The following TRIM15 variants were observed in gnomAD, a reference collection of about 807,000 sequenced individuals.
TRIM15 encodes tripartite motif containing 15, also known as E3 ubiquitin-protein ligase TRIM15.
A neutral mutation model predicts 35.8 loss-of-function variants in TRIM15; 35 were observed. That is an observed-to-expected ratio of 0.98 (90% CI 0.75 to 1.30). The LOEUF (loss-of-function observed/expected upper bound fraction) is 1.30, where lower values mean the gene tolerates loss of function less well. Among genes scored for constraint, TRIM15 ranks in the 50% most tolerant of loss-of-function variants. TRIM15 has a pLI of 0.00. For synonymous variants in TRIM15, 252 were observed against 249.8 expected (o/e 1.01, Z -0.08); for missense variants, 590 against 593.5 (o/e 0.99, Z 0.06).
rs1420612139 is a variant in TRIM15, at chr6:30,168,292, C to T, written c.478-8C>T. The T allele has an allele frequency of 6.2e-7, 1 of 1,610,648 alleles. No homozygotes were observed. The highest frequency in any genetic ancestry group is 1.1e-5 in the South Asian group (1 of 90,870). ...TTCCTAACCATGTCTGCCTTTTATCCCTTGAAGACTCAGATCGAAAGCAAG... is the reference window on the plus strand; with the variant it reads ...TTCCTAACCATGTCTGCCTTTTATCTCTTGAAGACTCAGATCGAAAGCAAG... On this transcript the variant is annotated splice_polypyrimidine_tract_variant and splice_region_variant and intron_variant, in intron 2 of 6. Coordinates refer to ENST00000376694, the MANE Select transcript of TRIM15 (RefSeq NM_033229.3).
intron 1 of TRIM15, among the ~76,000 whole-genome samples, chr6:30,165,357 G>C (rs978298244): frequency 5.9e-5 from 9 of 152,118 alleles, no homozygotes; most frequent in Admixed American, 2.6e-4. Flanking sequence ...TGTGGTGTTT[G>C]GTTTTCTGTT....
chr6:30,170,405 AAGATCATTCTTT>A (rs1773923611), intron 4 of TRIM15, 84 bp from the exon 5 acceptor site: 1 of 724,336 alleles, frequency 1.4e-6, no homozygotes, highest in Admixed American at 2.4e-5. Flanking sequence ...CACAGACGCC[AAGATCATTCTTT>A]AGTCTGATTT....
In TRIM15 at chr6:30,170,631, G is replaced by A. The variant is rs79966608; in HGVS notation, c.847+15G>A. The A allele has an allele frequency of 6.3e-3, 9,998 of 1,588,396 alleles. 271 individuals are homozygous for A. The highest frequency in any genetic ancestry group is 0.049 in the East Asian group (2,202 of 44,726). On this transcript the variant is annotated intron_variant, in intron 5 of 6. Coordinates refer to ENST00000376694, the MANE Select transcript of TRIM15 (RefSeq NM_033229.3). ...GATGTTCTCAGGTAAAGGGGAAGGC[G>A]CCACAGTTTTCCCCAGTCCCATTAG...
Position 30,172,553 on chromosome 6 carries a change from T to TG in TRIM15, c.*206dup. 1 of 813,470 alleles carries TG rather than the reference T, an allele frequency of 1.2e-6. No homozygotes were observed. Among genetic ancestry groups the TG allele is most frequent in the South Asian group, 1.5e-5 (1 of 67,376 alleles). The allele number at this position is 813,470 out of a possible 1,614,324, so 50.4% of individuals were successfully genotyped here. On this transcript the variant is annotated 3_prime_UTR_variant, in exon 7 of 7. Coordinates refer to ENST00000376694, the MANE Select transcript of TRIM15 (RefSeq NM_033229.3). Reference sequence around the variant, plus strand: ...CGTCCTGAGCCTCCCTGTGACGCTCTGGCCTTCTCTGTACCTCAGAGTGCA... The same window carrying TG: ...CGTCCTGAGCCTCCCTGTGACGCTCTGGGCCTTCTCTGTACCTCAGAGTGCA...
intron 3 of TRIM15, 105 bp from the exon 4 acceptor site, chr6:30,169,136 G>A: frequency 7.6e-7 from 1 of 1,309,314 alleles, no homozygotes. Context: ...ACTCTCTGCA[G>A]AAGGAGAGTT....
rs1774035630 is a variant in TRIM15, at chr6:30,171,844, T to G, written c.893T>G (p.Leu298Arg). ...HLEIDSGVIT[L>R]DPQTASRSLV... ...CTCCTCCCTCTAGGGGTCATCACTC[T>G]GGACCCTCAGACCGCCAGCCGGAGC... The change falls in exon 7 of 7, where the codon CTG (leucine) becomes CGG (arginine). Residue 298 changes from leucine to arginine, a missense_variant. Coordinates refer to ENST00000376694, the MANE Select transcript of TRIM15 (RefSeq NM_033229.3). 3.8e-6 allele frequency: 6 copies of G among 1,570,418 alleles called. No homozygotes were observed. The highest frequency in any genetic ancestry group is 5.2e-6 in the Non-Finnish European group (6 of 1,158,542).
At chr6:30,170,142 A>T (rs921364427) in intron 4 of TRIM15, among the ~76,000 whole-genome samples, 6 of 152,012 alleles carry the variant, frequency 3.9e-5, no homozygotes, top group Non-Finnish European at 8.8e-5. Flanking sequence ...TTCCTTTACA[A>T]ATAGCAGCAT....
Position 30,172,511 on chromosome 6 carries a change from G to A in TRIM15, c.*162G>A. The A allele has an allele frequency of 9.3e-7, 1 of 1,071,908 alleles. No homozygotes were observed. Among genetic ancestry groups the A allele is most frequent in the African/African-American group, 1.6e-5 (1 of 62,686 alleles). 66.4% of individuals were successfully genotyped at this position (1,071,908 alleles called of 1,614,324 possible). ...GGTTGTTTTTACTTTATTTATCTTA[G>A]GCCCTCAGCTCCCTGACGTCCTGAG... On this transcript the variant is annotated 3_prime_UTR_variant, in exon 7 of 7. Coordinates refer to ENST00000376694, the MANE Select transcript of TRIM15 (RefSeq NM_033229.3).
At position 30,172,272 on chromosome 6, in the gene TRIM15, ACTGCC is replaced by A; in HGVS notation, c.1322_1326del (p.Thr441IlefsTer116). On this transcript the variant is annotated frameshift_variant, in exon 7 of 7. Coordinates refer to ENST00000376694, the MANE Select transcript of TRIM15 (RefSeq NM_033229.3). LOFTEE classifies it low-confidence loss of function (END_TRUNC). ...GACCCAGGAGCCCATCTTCACCTTC[ACTGCC>A]TCTTTCTCCGGCAAAGTCTTCCCTT... 6.2e-7 allele frequency: 1 copy of A among 1,612,878 alleles called. No individual in the cohort carries two copies. Among genetic ancestry groups the A allele is most frequent in the Non-Finnish European group, 8.5e-7 (1 of 1,179,934 alleles).
intron 4 of TRIM15, chr6:30,169,966 G>T: frequency 5.8e-6 from 1 of 171,772 alleles, no homozygotes; most frequent in African/African-American, 2.4e-5. Context: ...GAAGGGCTTG[G>T]AGGTCTTCCA....
chr6:30,172,231 C>G lies in TRIM15; in HGVS notation c.1280C>G (p.Thr427Ser). The change falls in exon 7 of 7, where the codon ACC (threonine) becomes AGC (serine). Residue 427 changes from threonine (T) to serine (S), a missense_variant. Thr to Ser is a moderately conservative substitution (Grantham distance 58, BLOSUM62 1). Coordinates refer to ENST00000376694, the MANE Select transcript of TRIM15 (RefSeq NM_033229.3). ...CTGGACTACGAGGCGGGGCAGGTGA[C>G]CCTCCACAACGCCCAGACCCAGGAG... ...VALDYEAGQV[T>S]LHNAQTQEPI... The G allele has an allele frequency of 6.2e-7, 1 of 1,612,308 alleles. No homozygotes were observed. Among genetic ancestry groups the G allele is most frequent in the South Asian group, 1.1e-5 (1 of 91,036 alleles).
chr6:30,169,286 G>A, intron 4 of TRIM15, 23 bp downstream of exon 4: 1 of 1,613,008 alleles, frequency 6.2e-7, no homozygotes, highest in African/African-American at 1.3e-5. Context: ...CCCCGGTCCT[G>A]CCTCCTTTTA....
chr6:30,164,460 G>A lies in TRIM15; in HGVS notation c.381+395G>A, dbSNP rs560460455. On this transcript the variant is annotated intron_variant, in intron 1 of 6. Transcript: ENST00000376694. ...CCTGACTGCCAGGGCGCAGAGGGGA[G>A]GGAGGAGCTGGGAAGGGGAACCTGC... Among the ~76,000 whole-genome samples, 15 of 152,290 alleles carry A rather than the reference G, an allele frequency of 9.8e-5. No individual in the cohort carries two copies. In the South Asian group the frequency reaches 2.9e-3, roughly 30 times the overall value.
rs1773374604 is a variant in TRIM15, at chr6:30,163,895, G to GC, written c.215dup (p.Val73CysfsTer71). The GC allele has an allele frequency of 6.2e-7, 1 of 1,612,960 alleles. No homozygotes were observed. Among genetic ancestry groups the GC allele is most frequent in the South Asian group, 1.1e-5 (1 of 91,090 alleles). ...GGAGGAGCAGGCAGAGACTCCCATG[G>GC]CCCCTGTGCCCCTGGGCCCGCTGGG... On this transcript the variant is annotated frameshift_variant, in exon 1 of 7. Transcript: ENST00000376694. LOFTEE classifies it high-confidence loss of function.
intron 1 of TRIM15, among the ~76,000 whole-genome samples, chr6:30,164,448 G>A (rs1436220880): frequency 3.3e-5 from 5 of 152,166 alleles, no homozygotes; most frequent in Non-Finnish European, 5.9e-5. Flanking sequence ...GACTGCCAGG[G>A]CGCAGAGGGG....
Position 30,163,867 on chromosome 6 carries a change from A to C in TRIM15, c.183A>C (p.Gln61His). Residue 61 changes from glutamine to histidine, a missense_variant, in exon 1 of 7, where the codon CAA becomes CAC. Coordinates refer to ENST00000376694, the MANE Select transcript of TRIM15 (RefSeq NM_033229.3). ...SGKILLCPLCQEEEQAETPMA... is the reference protein window; with the variant it reads ...SGKILLCPLCHEEEQAETPMA... ...AGATCCTGCTCTGCCCGCTCTGCCA[A>C]GAGGAGGAGCAGGCAGAGACTCCCA... The C allele has an allele frequency of 6.2e-7, 1 of 1,612,986 alleles. No individual in the cohort carries two copies. The highest frequency in any genetic ancestry group is 1.7e-4 in the Middle Eastern group (1 of 6,020).
At chr6:30,170,766 C>T in intron 5 of TRIM15, 150 bp downstream of exon 5, 1 of 770,326 alleles carries the variant, frequency 1.3e-6, no homozygotes. Flanking sequence ...TATTCAGGGG[C>T]ACTATTCCCA....
chr6:30,168,535 G>A lies in TRIM15; in HGVS notation c.708+5G>A. 1 of 1,577,480 alleles carries A rather than the reference G, an allele frequency of 6.3e-7. No homozygotes were observed. The highest frequency in any genetic ancestry group is 8.6e-7 in the Non-Finnish European group (1 of 1,160,508). On this transcript the variant is annotated splice_donor_5th_base_variant and intron_variant, in intron 3 of 6. Transcript: ENST00000376694. ...CCAGCAAGTGAGCTTCTACAAGTGA[G>A]AGACACTTCACCACTTTGTAGGATA...
In TRIM15 at chr6:30,170,475, T is replaced by C. The variant is rs199695672; in HGVS notation, c.732-26T>C. ...AACATTTGTTTTTGGAATTTGGACC[T>C]AACTGGTTACCAAACCTGTCTGCAG... is the stretch of plus-strand genomic sequence containing the variant. On this transcript the variant is annotated intron_variant, in intron 4 of 6. Transcript: ENST00000376694. The C allele has an allele frequency of 2.9e-5, 45 of 1,559,600 alleles. No individual in the cohort carries two copies. The African/African-American group carries it at 5.6e-4, about 19-fold the overall frequency.
Sources: allele counts gnomAD v4.1 joint callset (sites outside exome capture counted in the v4.1 genomes callset), GRCh38; gene constraint gnomAD v4.1.1; transcripts MANE v1.5; gene names NCBI Gene and HGNC (gene_info 2026-07-23, HGNC 2026-07-21).